The following KCNQ5 variants were observed in gnomAD, a reference collection of about 807,000 sequenced individuals.
KCNQ5 encodes potassium voltage-gated channel subfamily KQT member 5.
Under a neutral mutation model 98.2 loss-of-function variants are expected in KCNQ5, and 30 were observed. The ratio of observed to expected loss-of-function variants is 0.31; its 90% CI spans 0.23 to 0.41. KCNQ5 has a LOEUF of 0.41. Among genes scored for constraint, KCNQ5 ranks in the 10% least tolerant of loss-of-function variants. The pLI, the probability that KCNQ5 is intolerant of heterozygous loss-of-function variation, is 1.00. For missense variants in KCNQ5, 835 were observed against 1,182.5 expected, an observed-to-expected ratio of 0.71 and a Z score of 4.31; for synonymous variants, 458 against 449.4, an observed-to-expected ratio of 1.02 and a Z score of -0.24.
At chr6:72,921,484 T>C (rs1202720738) in intron 1 of KCNQ5, among the ~76,000 whole-genome samples, 4 of 152,228 alleles carry the variant, frequency 2.6e-5, no homozygotes, top group Admixed American at 2.0e-4. Context: ...AGCAAGATAG[T>C]GGTGTACTGG....
At chr6:72,894,989 G>A (rs924300877) in intron 1 of KCNQ5, among the ~76,000 whole-genome samples, 3 of 151,938 alleles carry the variant, frequency 2.0e-5, no homozygotes, top group Non-Finnish European at 2.9e-5. Context: ...AGCTCCACAC[G>A]TTCTGATTCA....
intron 1 of KCNQ5, among the ~76,000 whole-genome samples, chr6:72,762,994 A>G (rs766558674): frequency 5.3e-5 from 8 of 152,062 alleles, no homozygotes; most frequent in Non-Finnish European, 1.0e-4. Context: ...CTATACAATT[A>G]TATTGATAAG....
At chr6:73,074,973 C>G (rs147507516) in intron 3 of KCNQ5, among the ~76,000 whole-genome samples, 1 of 152,194 alleles carries the variant, frequency 6.6e-6, no homozygotes, top group Non-Finnish European at 1.5e-5. Context: ...CCAACAGGGT[C>G]ATATAAGTAA....
At chr6:73,050,643 A>T (rs867418168) in intron 3 of KCNQ5, among the ~76,000 whole-genome samples, 3 of 152,224 alleles carry the variant, frequency 2.0e-5, no homozygotes, top group African/African-American at 7.2e-5. Context: ...ACATGTATAT[A>T]TGCATTTAAC....
intron 1 of KCNQ5, among the ~76,000 whole-genome samples, chr6:72,769,910 A>T (rs1363468449): frequency 6.6e-6 from 1 of 152,124 alleles, no homozygotes; most frequent in African/African-American, 2.4e-5. Flanking sequence ...CAGCCAGACT[A>T]AGAACTATTT....
chr6:72,632,908 T>C (rs989113987), intron 1 of KCNQ5, among the ~76,000 whole-genome samples: 2 of 152,202 alleles, frequency 1.3e-5, no homozygotes, highest in East Asian at 1.9e-4. Context: ...TGTGTGTGTC[T>C]TTTTGGTATG....
At chr6:72,866,813 A>G (rs1416957341) in intron 1 of KCNQ5, among the ~76,000 whole-genome samples, 1 of 152,204 alleles carries the variant, frequency 6.6e-6, no homozygotes, top group Non-Finnish European at 1.5e-5. Flanking sequence ...TGAACCTCAT[A>G]ACCTCCGTCA....
intron 1 of KCNQ5, among the ~76,000 whole-genome samples, chr6:72,710,165 G>A (rs1294154452): frequency 1.3e-5 from 2 of 152,128 alleles, no homozygotes; most frequent in African/African-American, 4.8e-5. Context: ...AATACAAGAT[G>A]TTAAAAGAAT....
intron 3 of KCNQ5, among the ~76,000 whole-genome samples, chr6:73,070,586 A>G (rs548999569): frequency 6.6e-6 from 1 of 152,332 alleles, no homozygotes; most frequent in Admixed American, 6.5e-5. Flanking sequence ...CCATGCAGTT[A>G]TTCAGGAACC....
At position 73,157,920 on chromosome 6, in the gene KCNQ5, G is replaced by A. The variant is rs192183840; in HGVS notation, c.1469-11826G>A. On this transcript the variant is annotated intron_variant, in intron 10 of 13. Transcript: ENST00000370398. ...TGGCCGCTTCTGCTCCTGCCCCGCT[G>A]TCAAAGATCACAAAACAGGCTGTCT... is the stretch of plus-strand genomic sequence containing the variant. 1.7e-4 allele frequency: 134 copies of A among 774,502 alleles called. No individual in the cohort carries two copies. In the African/African-American group the frequency reaches 2.1e-3, roughly 12 times the overall value. The allele number at this position is 774,502 out of a possible 1,614,324, so 48.0% of individuals were successfully genotyped here. A position where few individuals can be genotyped will look rare whatever the true frequency, so the allele number is the denominator to read the frequency against.
intron 1 of KCNQ5, chr6:72,630,518 C>A (rs2098920226): frequency 6.6e-6 from 1 of 152,118 alleles, no homozygotes; most frequent in South Asian, 2.1e-4. Context: ...ACGATGTGGA[C>A]CTGACCTCAA....
rs1774892716 is a variant in KCNQ5 at position 73,103,758 on chromosome 6, A to G, written c.919-1499A>G. Among the ~76,000 whole-genome samples, 5 of 101,684 alleles carry G rather than the reference A, an allele frequency of 4.9e-5. No homozygotes were observed. In the South Asian group the frequency reaches 9.0e-4, roughly 18 times the overall value. The allele number at this position is 101,684 out of a possible 152,430, so 66.7% of individuals were successfully genotyped here. On this transcript the variant is annotated intron_variant, in intron 5 of 13. Coordinates refer to ENST00000370398, the MANE Select transcript of KCNQ5 (RefSeq NM_019842.4). ...AGCGGAGATGGTTAATGGACACCAA[A>G]AAAAAACCAGAAAGAGTGAATAACG...
intron 2 of KCNQ5, among the ~76,000 whole-genome samples, chr6:73,020,515 T>C (rs1325127734): frequency 6.6e-6 from 1 of 152,144 alleles, no homozygotes; most frequent in Non-Finnish European, 1.5e-5. Context: ...CTTCAAACCT[T>C]GTCCTTTTTT....
chr6:72,662,822 A>G (rs1047282597), intron 1 of KCNQ5, among the ~76,000 whole-genome samples: 7 of 152,212 alleles, frequency 4.6e-5, no homozygotes, highest in Admixed American at 3.3e-4. Context: ...ACAAATATGC[A>G]TCATACAAAT....
intron 11 of KCNQ5, among the ~76,000 whole-genome samples, chr6:73,172,101 G>T (rs901559879): frequency 6.6e-6 from 1 of 152,086 alleles, no homozygotes; most frequent in South Asian, 2.1e-4. Context: ...ATTCTTTCTT[G>T]GTTCTTATTT....
intron 2 of KCNQ5, among the ~76,000 whole-genome samples, chr6:73,022,610 G>GA (rs977243926): frequency 4.7e-5 from 7 of 150,484 alleles, no homozygotes; most frequent in African/African-American, 7.3e-5. Context: ...TTCTGTCTCT[G>GA]AAAAAAAAAT....
intron 1 of KCNQ5, among the ~76,000 whole-genome samples, chr6:72,804,714 T>C (rs1774863573): frequency 1.3e-5 from 2 of 152,190 alleles, no homozygotes; most frequent in South Asian, 4.1e-4. Context: ...GTAGCTCTAT[T>C]TGTAGTTTTT....
At chr6:73,134,983 T>C (rs551201992) in intron 10 of KCNQ5, 1 of 152,342 alleles carries the variant, frequency 6.6e-6, no homozygotes, top group East Asian at 1.9e-4. Flanking sequence ...GGGCTTTATG[T>C]TGCACTCAAA....
intron 11 of KCNQ5, among the ~76,000 whole-genome samples, chr6:73,182,056 G>A (rs1173910873): frequency 2.6e-5 from 4 of 152,126 alleles, no homozygotes; most frequent in African/African-American, 7.2e-5. Context: ...AGGCCACCAA[G>A]GTCTTCTGCT....
Sources: allele counts gnomAD v4.1 joint callset (sites outside exome capture counted in the v4.1 genomes callset), GRCh38; gene constraint gnomAD v4.1.1; transcripts MANE v1.5; gene names NCBI Gene and HGNC (gene_info 2026-07-23, HGNC 2026-07-21).